The following CLK4 variants were observed in gnomAD, a reference collection of about 807,000 sequenced individuals.
CLK4 encodes the protein dual specificity protein kinase CLK4.
A neutral mutation model predicts 64.4 loss-of-function variants in CLK4; 37 were observed. That is an observed-to-expected ratio of 0.57 (90% CI 0.44 to 0.76). CLK4 has a LOEUF of 0.76. CLK4 is among the 30% of genes least tolerant of loss of function. CLK4 has a pLI of 0.00. For synonymous variants in CLK4, 175 were observed against 191.6 expected (o/e 0.91, Z 0.72); for missense variants, 457 against 605.1 (o/e 0.76, Z 2.57).
At position 178,612,779 on chromosome 5, in the gene CLK4, A is replaced by T; in HGVS notation, c.921+17T>A. Reference sequence around the variant, plus strand: ...TTTAAAGACAACCACCCAAATTAAAACAAGTCTTTAACTTACCATTTTAGA... The same window carrying T: ...TTTAAAGACAACCACCCAAATTAAATCAAGTCTTTAACTTACCATTTTAGA... On this transcript the variant is annotated intron_variant, in intron 8 of 12. Coordinates refer to ENST00000316308, the MANE Select transcript of CLK4 (RefSeq NM_020666.3). 7.3e-7 allele frequency: 1 copy of T among 1,366,730 alleles called. No individual in the cohort carries two copies. Among genetic ancestry groups the T allele is most frequent in the Non-Finnish European group, 1.0e-6 (1 of 974,562 alleles). 84.7% of individuals were successfully genotyped at this position (1,366,730 alleles called of 1,614,324 possible). A position where few individuals can be genotyped will look rare whatever the true frequency, so the allele number is the denominator to read the frequency against.
chr5:178,614,747 G>A (rs928655114), intron 5 of CLK4, among the ~76,000 whole-genome samples: 2 of 152,140 alleles, frequency 1.3e-5, no homozygotes, highest in African/African-American at 4.8e-5. Context: ...CACATCCAGT[G>A]GTTTCCAGTT....
At position 178,603,904 on chromosome 5, in the gene CLK4, T is replaced by A; in HGVS notation, c.1245A>T (p.Leu415=). The change falls in exon 12 of 13, where the codon CTA becomes CTT. Residue 415 remains leucine, a synonymous_variant. Coordinates refer to ENST00000316308, the MANE Select transcript of CLK4 (RefSeq NM_020666.3). ...CAGCAGAACTGTGTTCATCCCAATC[T>A]AGCTGGTTATGGTGAAAATACTTGC... ...RKRKYFHHNQ[L]DWDEHSSAGR... is the part of the protein sequence containing the mutation. 1 of 1,608,736 alleles carries A rather than the reference T, an allele frequency of 6.2e-7. No homozygotes were observed. Among genetic ancestry groups the A allele is most frequent in the East Asian group, 2.2e-5 (1 of 44,796 alleles).
chr5:178,616,470 A>AC (rs1238639398), intron 5 of CLK4, among the ~76,000 whole-genome samples: 1 of 149,212 alleles, frequency 6.7e-6, no homozygotes, highest in African/African-American at 2.5e-5. Context: ...TGAGTAATTT[A>AC]CCCCCCAAAA....
At position 178,626,754 on chromosome 5, in the gene CLK4, G is replaced by C. The variant is rs531467755; in HGVS notation, c.-1+192C>G. On this transcript the variant is annotated intron_variant, in intron 1 of 12. Transcript: ENST00000316308. ...GAGCGGCCAGGGCCCTCAGAGAAGG[G>C]TCAGCGGCAGAACCGCGACGCCCGA... Among the ~76,000 whole-genome samples the C allele has an allele frequency of 2.0e-5, 3 of 152,324 alleles. No homozygotes were observed. The South Asian group carries it at 6.2e-4, about 32-fold the overall frequency.
At chr5:178,614,749 T>C (rs1764603637) in intron 5 of CLK4, among the ~76,000 whole-genome samples, 1 of 152,158 alleles carries the variant, frequency 6.6e-6, no homozygotes, top group African/African-American at 2.4e-5. Flanking sequence ...CATCCAGTGG[T>C]TTCCAGTTCA....
At chr5:178,610,774 A>T (rs1329310299) in intron 9 of CLK4, among the ~76,000 whole-genome samples, 2 of 148,914 alleles carry the variant, frequency 1.3e-5, no homozygotes, top group African/African-American at 4.9e-5. Context: ...ATAAAAATTA[A>T]AAAAAAAAAA....
intron 11 of CLK4, 36 bp from the exon 12 acceptor site, chr5:178,603,970 T>C: frequency 6.7e-7 from 1 of 1,497,532 alleles, no homozygotes; most frequent in Non-Finnish European, 9.1e-7. Flanking sequence ...ATTAGTAAAA[T>C]AACAAGAGTC....
Position 178,610,930 on chromosome 5 carries a change from G to A in CLK4, c.1051+1486C>T, listed in dbSNP as rs549658081. ...CTACTAAAAACTATAAAAATTAGCC[G>A]GGTGTGGTGGTGGGCACCTGTAATC... On this transcript the variant is annotated intron_variant, in intron 9 of 12. Transcript: ENST00000316308. Among the ~76,000 whole-genome samples, 101 of 152,074 alleles carry A rather than the reference G, an allele frequency of 6.6e-4. 1 individual carries two copies. Among genetic ancestry groups the A allele is most frequent in the African/African-American group, 2.1e-3 (87 of 41,486 alleles).
intron 5 of CLK4, among the ~76,000 whole-genome samples, chr5:178,614,246 C>T (rs962710192): frequency 2.6e-5 from 4 of 152,206 alleles, no homozygotes; most frequent in East Asian, 1.9e-4. Flanking sequence ...TGTGTCCCTA[C>T]GTACTTCAAA....
intron 1 of CLK4, among the ~76,000 whole-genome samples, chr5:178,625,992 A>C (rs1408568814): frequency 6.6e-6 from 1 of 152,220 alleles, no homozygotes; most frequent in African/African-American, 2.4e-5. Context: ...TAGAGTAGGT[A>C]TCTTTCAAAA....
At chr5:178,618,998 T>C (rs1257435046) in intron 2 of CLK4, among the ~76,000 whole-genome samples, 1 of 152,204 alleles carries the variant, frequency 6.6e-6, no homozygotes, top group Non-Finnish European at 1.5e-5. Context: ...GTCAAGCACT[T>C]CACACCAAGG....
Position 178,605,524 on chromosome 5 carries a change from A to T in CLK4, c.1135-142T>A, listed in dbSNP as rs552520405. 82 of 492,348 alleles carry T rather than the reference A, an allele frequency of 1.7e-4. 2 individuals are homozygous for T. The South Asian group carries it at 2.6e-3, about 15-fold the overall frequency. 30.5% of individuals were successfully genotyped at this position (492,348 alleles called of 1,614,324 possible). A position where few individuals can be genotyped will look rare whatever the true frequency, so the allele number is the denominator to read the frequency against. On this transcript the variant is annotated intron_variant, in intron 10 of 12. Transcript: ENST00000316308. ...AATAACTGGGCAAGGTTACCAGAAA[A>T]ACTGTCTCCTCATTTAATCAGCTGC... is the stretch of plus-strand genomic sequence containing the variant.
Position 178,617,551 on chromosome 5 carries a change from C to G in CLK4, c.385-117G>C. 1 of 1,090,690 alleles carries G rather than the reference C, an allele frequency of 9.2e-7. No individual in the cohort carries two copies. 67.6% of individuals were successfully genotyped at this position (1,090,690 alleles called of 1,614,324 possible). A position where few individuals can be genotyped will look rare whatever the true frequency, so the allele number is the denominator to read the frequency against. On this transcript the variant is annotated intron_variant, in intron 3 of 12. Coordinates refer to ENST00000316308, the MANE Select transcript of CLK4 (RefSeq NM_020666.3). The surrounding 1 kb of genome is among the most constrained non-coding windows in gnomAD (Gnocchi z 5.2). ...AGATATTCAGGCATTCAGATAAGCA[C>G]CAGGCCACGAACAGTTGGCAGGAGC...
At chr5:178,620,026 TTC>T (rs1381494556) in intron 2 of CLK4, 1 of 375,138 alleles carries the variant, frequency 2.7e-6, no homozygotes, top group East Asian at 7.5e-5. Context: ...TATGCTGTCA[TTC>T]TTTTTCCCAG....
chr5:178,612,004 C>T (rs565873184), intron 9 of CLK4, among the ~76,000 whole-genome samples: 4 of 152,134 alleles, frequency 2.6e-5, no homozygotes, highest in Non-Finnish European at 5.9e-5. Flanking sequence ...CTTAGAGAAG[C>T]CTCTTTCTTC....
intron 5 of CLK4, among the ~76,000 whole-genome samples, chr5:178,614,607 C>G (rs1413649846): frequency 6.6e-6 from 1 of 152,190 alleles, no homozygotes; most frequent in Non-Finnish European, 1.5e-5. Flanking sequence ...CCTTCTTTTT[C>G]ACTATGACCC....
At chr5:178,619,595 T>C (rs192093199) in intron 2 of CLK4, 23 of 245,266 alleles carry the variant, frequency 9.4e-5, no homozygotes, top group Admixed American at 5.8e-4. Flanking sequence ...GTTTGAGAAA[T>C]ACCTAAGAAA....
chr5:178,607,839 A>G (rs1409665799), intron 10 of CLK4, among the ~76,000 whole-genome samples: 1 of 152,074 alleles, frequency 6.6e-6, no homozygotes, highest in Non-Finnish European at 1.5e-5. Flanking sequence ...ACGTTGTTCC[A>G]TCACAGCAAA....
rs1424863301 is a variant in CLK4 at position 178,602,988 on chromosome 5, T to G, written c.*629A>C. 2 of 152,246 alleles carry G rather than the reference T, an allele frequency of 1.3e-5. No individual in the cohort carries two copies. The highest frequency in any genetic ancestry group is 2.9e-5 in the Non-Finnish European group (2 of 68,044). 9.4% of individuals were successfully genotyped at this position (152,246 alleles called of 1,614,324 possible). A position where few individuals can be genotyped will look rare whatever the true frequency, so the allele number is the denominator to read the frequency against. On this transcript the variant is annotated 3_prime_UTR_variant, in exon 13 of 13. Coordinates refer to ENST00000316308, the MANE Select transcript of CLK4 (RefSeq NM_020666.3). ...CTGACTTTCCAGTTAGATTTTAATC[T>G]TAAATAAAGTGTGTATGTGGTTTTA...
Sources: allele counts gnomAD v4.1 joint callset (sites outside exome capture counted in the v4.1 genomes callset), GRCh38; gene constraint gnomAD v4.1.1; non-coding constraint Gnocchi (gnomAD v3.1); transcripts MANE v1.5; gene names NCBI Gene and HGNC (gene_info 2026-07-23, HGNC 2026-07-21).